Variants in CDH3 observed in about 807,000 individuals in gnomAD.
The protein encoded by CDH3 is cadherin-3.
A neutral mutation model predicts 82.0 loss-of-function variants in CDH3; 54 were observed. That is an observed-to-expected ratio of 0.66 (90% CI 0.53 to 0.83). CDH3 has a LOEUF of 0.83. Among genes scored for constraint, CDH3 ranks in the 40% least tolerant of loss-of-function variants. CDH3 has a pLI of 0.00. For synonymous variants in CDH3, 446 were observed against 437.9 expected (o/e 1.02, Z -0.23); for missense variants, 1,054 against 1,084.6 (o/e 0.97, Z 0.40).
chr16:68,679,997 A>G, intron 7 of CDH3, 23 bp downstream of exon 7: 19 of 1,610,626 alleles, frequency 1.2e-5, no homozygotes, highest in Non-Finnish European at 1.6e-5. Flanking sequence ...TAGGGAAAGT[A>G]CTGCCTACCC....
At chr16:68,725,523 C>CG (rs1805497940) in intron 2 of CDH3, among the ~76,000 whole-genome samples, 1 of 151,728 alleles carries the variant, frequency 6.6e-6, no homozygotes, top group African/African-American at 2.4e-5. Context: ...TTAGTAGAGA[C>CG]GGGGTTTCAC....
downstream of CDH3, among the ~76,000 whole-genome samples, chr16:68,701,652 TC>T (rs1460714625): frequency 6.6e-6 from 1 of 151,758 alleles, no homozygotes; most frequent in Admixed American, 6.6e-5. Context: ...TTCAAGTGAT[TC>T]TCCTGCCTCA....
chr16:68,682,839 G>A (rs562850239), intron 9 of CDH3, among the ~76,000 whole-genome samples: 1 of 152,340 alleles, frequency 6.6e-6, no homozygotes, highest in African/African-American at 2.4e-5. Context: ...ATGTCTAGGT[G>A]TTTAGATAAT....
chr16:68,663,485 C>T (rs1323565415), intron 2 of CDH3, among the ~76,000 whole-genome samples: 2 of 152,074 alleles, frequency 1.3e-5, no homozygotes, highest in African/African-American at 2.4e-5. Flanking sequence ...CCACCCGCCT[C>T]GGCCTCCCAA....
downstream of CDH3, among the ~76,000 whole-genome samples, chr16:68,730,952 C>T (rs76631138): frequency 0.019 from 2,298 of 122,784 alleles, 28 homozygotes; most frequent in Middle Eastern, 0.036. Context: ...TCCAAGAGGC[C>T]GAGGTTGTGG....
At chr16:68,684,496 G>A (rs1234610698) in intron 9 of CDH3, 87 bp from the exon 10 acceptor site, 6 of 1,487,572 alleles carry the variant, frequency 4.0e-6, no homozygotes, top group Admixed American at 1.7e-5. Flanking sequence ...CCTCAGTATT[G>A]GTGTTTTCCT....
intron 2 of CDH3, among the ~76,000 whole-genome samples, chr16:68,671,521 C>CTT (rs34475405): frequency 0.026 from 3,186 of 121,944 alleles, 132 homozygotes; most frequent in East Asian, 0.054. Flanking sequence ...TTCATTTTAC[C>CTT]TTTTTTTTTT....
At chr16:68,697,025 CA>C (rs35368084) in intron 15 of CDH3, 77,680 of 139,212 alleles carry the variant, frequency 0.56, 21,269 homozygotes, top group Middle Eastern at 0.62. Context: ...GACTCCATCT[CA>C]AAAAAAAAAA....
chr16:68,693,587 C>T lies in CDH3; in HGVS notation c.2002+1661C>T, dbSNP rs147466489. Among the ~76,000 whole-genome samples the T allele has an allele frequency of 8.7e-3, 1,328 of 152,246 alleles. 11 individuals carry two copies. The highest frequency in any genetic ancestry group is 0.013 in the Non-Finnish European group (885 of 68,012). On this transcript the variant is annotated intron_variant, in intron 13 of 15. Coordinates refer to ENST00000264012, the MANE Select transcript of CDH3 (RefSeq NM_001793.6). ...GTGGAGGTGTCAGTAGGCAGCTAGA[C>T]CTGGGTTCAGAGAAGTCCATTTGGC...
intron 9 of CDH3, among the ~76,000 whole-genome samples, 165 bp from the exon 10 acceptor site, chr16:68,684,418 T>TTC (rs1244319541): frequency 2.0e-5 from 3 of 152,126 alleles, no homozygotes; most frequent in Non-Finnish European, 4.4e-5. Context: ...AGATGTGCAC[T>TTC]CAGGAAACAC....
At chr16:68,655,934 C>T (rs1460356346) in intron 2 of CDH3, among the ~76,000 whole-genome samples, 1 of 152,142 alleles carries the variant, frequency 6.6e-6, no homozygotes, top group African/African-American at 2.4e-5. Flanking sequence ...AGGCTGCTGA[C>T]ATGTTCTTGG....
At chr16:68,672,930 G>C (rs536930810) in intron 2 of CDH3, among the ~76,000 whole-genome samples, 18 of 152,230 alleles carry the variant, frequency 1.2e-4, no homozygotes, top group Non-Finnish European at 2.4e-4. Flanking sequence ...GTGGAATCTT[G>C]CATATGTCCT....
chr16:68,678,928 C>G, intron 6 of CDH3, 22 bp downstream of exon 6: 2 of 1,612,210 alleles, frequency 1.2e-6, no homozygotes, highest in Non-Finnish European at 1.7e-6. Flanking sequence ...GGGAAGGGGA[C>G]TGCTACGGGG....
chr16:68,665,722 C>G (rs909768025), intron 2 of CDH3, among the ~76,000 whole-genome samples: 1 of 152,112 alleles, frequency 6.6e-6, no homozygotes, highest in Admixed American at 6.5e-5. Context: ...ACACCTCATG[C>G]TGAGTCAGCC....
intron 1 of CDH3, among the ~76,000 whole-genome samples, chr16:68,708,712 C>T (rs1189117528): frequency 6.6e-6 from 1 of 151,664 alleles, no homozygotes; most frequent in Non-Finnish European, 1.5e-5. Flanking sequence ...GGCATGATCT[C>T]AGCTCACTGA....
At chr16:68,708,078 A>G (rs1236425182) in intron 1 of CDH3, among the ~76,000 whole-genome samples, 1 of 152,138 alleles carries the variant, frequency 6.6e-6, no homozygotes, top group African/African-American at 2.4e-5. Flanking sequence ...CTGTAATCTC[A>G]GCAGTTTGGG....
chr16:68,680,415 A>G (rs1249090651), intron 7 of CDH3, among the ~76,000 whole-genome samples: 1 of 152,234 alleles, frequency 6.6e-6, no homozygotes, highest in Admixed American at 6.5e-5. Context: ...ACAGTGGCTC[A>G]CGCATGTAAT....
chr16:68,732,548 G>C, the CDH3 span, among the ~76,000 whole-genome samples: 2 of 152,306 alleles, frequency 1.3e-5, no homozygotes, highest in Admixed American at 1.3e-4. Flanking sequence ...ATCTATCTGC[G>C]GTGATCTGAA....
downstream of CDH3, among the ~76,000 whole-genome samples, chr16:68,731,047 A>C (rs12923729): frequency 1.5e-4 from 4 of 26,346 alleles, no homozygotes; most frequent in African/African-American, 5.7e-4. Context: ...AAAAAAAAAA[A>C]ATATATATAT....
Sources: gnomAD v4.1 joint callset for allele counts (sites outside exome capture counted in the v4.1 genomes callset) on GRCh38, gnomAD v4.1.1 for gene constraint, MANE v1.5 for transcripts, NCBI Gene and HGNC (gene_info 2026-07-23, HGNC 2026-07-21) for gene names.